The following NR3C2 variants were observed in gnomAD, a reference collection of about 807,000 sequenced individuals.
The protein encoded by NR3C2 is mineralocorticoid receptor.
NR3C2 carries 15 observed loss-of-function variants against 86.4 expected under a neutral mutation model. The ratio of observed to expected loss-of-function variants is 0.17; its 90% CI spans 0.12 to 0.27. The LOEUF is 0.27. NR3C2 is among the 10% of genes least tolerant of loss of function. NR3C2 has a pLI of 1.00. For missense variants in NR3C2, 960 were observed against 1,195.6 expected (o/e 0.80, Z 2.91); for synonymous variants, 458 against 450.5 (o/e 1.02, Z -0.21).
At chr4:148,081,521 C>T (rs1331034462) in intron 8 of NR3C2, 22 bp from the exon 9 acceptor site, 1 of 1,613,882 alleles carries the variant, frequency 6.2e-7, no homozygotes, top group Non-Finnish European at 8.5e-7. Flanking sequence ...ACACAGGGGG[C>T]ATGACACGGG....
At chr4:148,243,211 T>A (rs1371869410) in intron 3 of NR3C2, among the ~76,000 whole-genome samples, 1 of 151,948 alleles carries the variant, frequency 6.6e-6, no homozygotes, top group Non-Finnish European at 1.5e-5. Context: ...TTGTTTTTTA[T>A]AGAGATGGAG....
intron 3 of NR3C2, among the ~76,000 whole-genome samples, chr4:148,251,448 C>G (rs72655217): frequency 0.012 from 1,854 of 152,230 alleles, 42 homozygotes; most frequent in African/African-American, 0.043. Context: ...ATAACTACAC[C>G]ACGAGTGCAA....
chr4:148,443,809 C>A (rs1750470191), upstream of NR3C2, among the ~76,000 whole-genome samples: 1 of 152,170 alleles, frequency 6.6e-6, no homozygotes, highest in Admixed American at 6.5e-5. Context: ...ACACCCTGTG[C>A]CCAAAGGCCC....
At chr4:148,104,781 C>T (rs1731719427) in intron 8 of NR3C2, among the ~76,000 whole-genome samples, 1 of 152,160 alleles carries the variant, frequency 6.6e-6, no homozygotes, top group South Asian at 2.1e-4. Context: ...TTATTACTGC[C>T]TTACAGTTGA....
chr4:148,103,253 T>G (rs1011337845), intron 8 of NR3C2, among the ~76,000 whole-genome samples: 1 of 152,172 alleles, frequency 6.6e-6, no homozygotes, highest in Non-Finnish European at 1.5e-5. Flanking sequence ...TCACACCACC[T>G]TTCATGCCGG....
chr4:148,157,037 C>G (rs1280645805), intron 4 of NR3C2, among the ~76,000 whole-genome samples: 1 of 151,292 alleles, frequency 6.6e-6, no homozygotes, highest in Non-Finnish European at 1.5e-5. Flanking sequence ...TCATCATTCT[C>G]AGTAAACTAT....
intron 2 of NR3C2, among the ~76,000 whole-genome samples, chr4:148,326,499 G>T (rs1394583660): frequency 6.6e-6 from 1 of 152,154 alleles, no homozygotes; most frequent in Non-Finnish European, 1.5e-5. Flanking sequence ...CCATGTTAGT[G>T]TTCCAAGGTG....
chr4:148,381,090 T>A (rs1205112838), intron 2 of NR3C2, among the ~76,000 whole-genome samples: 3 of 152,174 alleles, frequency 2.0e-5, no homozygotes, highest in Non-Finnish European at 4.4e-5. Flanking sequence ...TAGCCAGGTA[T>A]GGTTGCACAC....
At chr4:148,443,344 T>A (rs544872569), upstream of NR3C2, among the ~76,000 whole-genome samples, 11 of 151,560 alleles carry the variant, frequency 7.3e-5, no homozygotes, top group East Asian at 1.6e-3. Flanking sequence ...CTTACTACTT[T>A]AGTATTGGAT....
intron 3 of NR3C2, among the ~76,000 whole-genome samples, chr4:148,212,358 C>A (rs1395144799): frequency 1.3e-5 from 2 of 152,224 alleles, no homozygotes; most frequent in Non-Finnish European, 2.9e-5. Context: ...CCTCATGGAA[C>A]CTACATGGCT....
intron 2 of NR3C2, among the ~76,000 whole-genome samples, chr4:148,290,030 T>C (rs1222021147): frequency 6.6e-6 from 1 of 152,126 alleles, no homozygotes; most frequent in Non-Finnish European, 1.5e-5. Flanking sequence ...AGGGTTGCCA[T>C]AACAAACTAC....
chr4:148,106,869 T>C (rs1400014550), intron 8 of NR3C2, among the ~76,000 whole-genome samples: 2 of 152,176 alleles, frequency 1.3e-5, no homozygotes, highest in Non-Finnish European at 2.9e-5. Context: ...TCAAGATGGA[T>C]TAAAGACTTA....
chr4:148,181,069 C>T (rs1259072031), intron 4 of NR3C2, among the ~76,000 whole-genome samples: 1 of 152,140 alleles, frequency 6.6e-6, no homozygotes, highest in Non-Finnish European at 1.5e-5. Flanking sequence ...CGTGATATGG[C>T]CACCTTTACA....
Position 148,114,245 on chromosome 4 carries a change from G to A in NR3C2, c.2658C>T (p.Leu886=). 6.2e-7 allele frequency: 1 copy of A among 1,613,944 alleles called. No individual in the cohort carries two copies. Among genetic ancestry groups the A allele is most frequent in the African/African-American group, 1.3e-5 (1 of 75,038 alleles). Residue 886 remains leucine (L), a synonymous_variant, in exon 8 of 9, where the codon CTC becomes CTT. Coordinates refer to ENST00000358102, the MANE Select transcript of NR3C2 (RefSeq NM_000901.5). ...LLLSTIPKDG[L]KSQAAFEEMR... is the part of the protein sequence containing the mutation. The stretch of plus-strand genomic sequence containing the variant: ...TTTCTTCAAATGCAGCCTGGCTTTT[G>A]AGGCCATCCTTTGGAACTGTGTTAA...
At chr4:148,185,470 AG>A (rs1191568947) in intron 4 of NR3C2, among the ~76,000 whole-genome samples, 3 of 152,254 alleles carry the variant, frequency 2.0e-5, no homozygotes, top group African/African-American at 7.2e-5. Context: ...CATTGATCAA[AG>A]CAAAGAAGAA....
At position 148,435,970 on chromosome 4, in the gene NR3C2, C is replaced by T. The variant is rs1260893988; in HGVS notation, c.891G>A (p.Val297=). 1.2e-6 allele frequency: 2 copies of T among 1,614,188 alleles called. No individual in the cohort carries two copies. Among genetic ancestry groups the T allele is most frequent in the South Asian group, 1.1e-5 (1 of 91,084 alleles). Residue 297 remains valine (V), a synonymous_variant, in exon 2 of 9, where the codon GTG becomes GTA. Transcript: ENST00000358102. The part of the protein sequence containing the change: ...SPNNVTLRSS[V]SSPANINNSR... ...AGTTGTTAATATTTGCAGGGCTAGA[C>T]ACAGAGGATCTCAGAGTGACATTAT...
intron 3 of NR3C2, among the ~76,000 whole-genome samples, chr4:148,217,736 C>A (rs986120792): frequency 2.0e-5 from 3 of 152,170 alleles, no homozygotes; most frequent in Non-Finnish European, 4.4e-5. Flanking sequence ...AAAGAATAGT[C>A]TAAAGTTTTC....
intron 2 of NR3C2, among the ~76,000 whole-genome samples, chr4:148,293,898 G>T (rs1741915197): frequency 6.6e-6 from 1 of 152,142 alleles, no homozygotes; most frequent in African/African-American, 2.4e-5. Context: ...GGTTTGTTGG[G>T]TGCCTATAAT....
chr4:148,367,496 T>C (rs754562343), intron 2 of NR3C2, among the ~76,000 whole-genome samples: 6 of 152,142 alleles, frequency 3.9e-5, no homozygotes, highest in African/African-American at 1.4e-4. Context: ...ATACGAACAA[T>C]GTTATCACAC....
Sources: allele counts gnomAD v4.1 joint callset (sites outside exome capture counted in the v4.1 genomes callset), GRCh38; gene constraint gnomAD v4.1.1; transcripts MANE v1.5; gene names NCBI Gene and HGNC (gene_info 2026-07-23, HGNC 2026-07-21).